PCLAF: variants seen among roughly 807,000 people sequenced by gnomAD.
PCLAF encodes PCNA-associated factor.
PCLAF carries 12 observed loss-of-function variants against 15.1 expected under a neutral mutation model. The observed-to-expected ratio is 0.79, with a 90% CI of 0.51 to 1.29. The LOEUF (loss-of-function observed/expected upper bound fraction) is 1.29. Among genes scored for constraint, PCLAF ranks in the 50% most tolerant of loss-of-function variants. The pLI, the probability that PCLAF is intolerant of heterozygous loss-of-function variation, is 0.00. For missense variants in PCLAF, 116 were observed against 130.9 expected, an observed-to-expected ratio of 0.89 and a Z score of 0.56; for synonymous variants, 33 against 47.1, an observed-to-expected ratio of 0.70 and a Z score of 1.22.
At chr15:64,373,753 G>A in intron 3 of PCLAF, 1 of 1,535,800 alleles carries the variant, frequency 6.5e-7, no homozygotes, top group Non-Finnish European at 8.7e-7. Context: ...CTGGAGGATG[G>A]GTGGCTCCTG....
At chr15:64,386,440 C>T (rs1178048760), upstream of PCLAF, among the ~76,000 whole-genome samples, 2 of 152,154 alleles carry the variant, frequency 1.3e-5, no homozygotes, top group Non-Finnish European at 2.9e-5. Flanking sequence ...CCCACCTCAG[C>T]CTTTCAAGTA....
rs767046896 is a variant in PCLAF, at chr15:64,381,037, C to T, written c.48G>A (p.Val16=). 2 of 1,614,056 alleles carry T rather than the reference C, an allele frequency of 1.2e-6. No individual in the cohort carries two copies. The highest frequency in any genetic ancestry group is 1.1e-5 in the South Asian group (1 of 91,074). ...CCTTTCTGGGGGCTCGAGCAGCCAC[C>T]ACTGTGAAGAGAGGCAAAAAAGGGT... is the stretch of plus-strand genomic sequence containing the variant. ...ADSVPGTYRK[V]VAARAPRKVL... The change falls in exon 2 of 4, where the codon GTG becomes GTA. Residue 16 remains valine, a splice_region_variant and synonymous_variant. Coordinates refer to ENST00000300035, the MANE Select transcript of PCLAF (RefSeq NM_014736.6).
chr15:64,367,023 C>T (rs1389359073), intron 3 of PCLAF, among the ~76,000 whole-genome samples: 1 of 151,006 alleles, frequency 6.6e-6, no homozygotes, highest in African/African-American at 2.4e-5. Flanking sequence ...TTCAGCGACT[C>T]AGGAGGCCTG....
Position 64,365,738 on chromosome 15 carries a change from T to C in PCLAF, c.*292A>G, listed in dbSNP as rs1596318351. The C allele has an allele frequency of 2.9e-6, 1 of 345,964 alleles. No homozygotes were observed. Among genetic ancestry groups the C allele is most frequent in the South Asian group, 3.6e-5 (1 of 28,148 alleles). The allele number at this position is 345,964 out of a possible 1,614,324, so 21.4% of individuals were successfully genotyped here. ...ATCTAAGCAAATCTCAAATACAACATACTTGTAATTAGAACACAATGCAAT... is the reference window on the plus strand; with the variant it reads ...ATCTAAGCAAATCTCAAATACAACACACTTGTAATTAGAACACAATGCAAT... On this transcript the variant is annotated 3_prime_UTR_variant, in exon 4 of 4. Coordinates refer to ENST00000300035, the MANE Select transcript of PCLAF (RefSeq NM_014736.6).
chr15:64,375,229 A>G (rs897844334), intron 3 of PCLAF, among the ~76,000 whole-genome samples: 1 of 152,044 alleles, frequency 6.6e-6, no homozygotes, highest in Non-Finnish European at 1.5e-5. Flanking sequence ...GGTTCAAGCA[A>G]TTCTCCTGCT....
intron 3 of PCLAF, among the ~76,000 whole-genome samples, chr15:64,375,286 G>A (rs773097349): frequency 9.9e-5 from 15 of 151,850 alleles, no homozygotes; most frequent in African/African-American, 2.7e-4. Flanking sequence ...CACCACGCCC[G>A]GCTAATTTTT....
Position 64,373,558 on chromosome 15 carries a change from G to C in PCLAF, c.290+3185C>G. 4 of 1,384,358 alleles carry C rather than the reference G, an allele frequency of 2.9e-6. No homozygotes were observed. In the South Asian group the frequency reaches 6.6e-5, roughly 23 times the overall value. The allele number at this position is 1,384,358 out of a possible 1,614,324, so 85.8% of individuals were successfully genotyped here. A position where few individuals can be genotyped will look rare whatever the true frequency, so the allele number is the denominator to read the frequency against. On this transcript the variant is annotated intron_variant, in intron 3 of 3. Coordinates refer to ENST00000300035, the MANE Select transcript of PCLAF (RefSeq NM_014736.6). The stretch of plus-strand genomic sequence containing the variant: ...CAAGGAGACCGGCTGTAGGCTGTAG[G>C]GCACTGTTGGAGGGCTTTGTGGTTT...
intron 3 of PCLAF, among the ~76,000 whole-genome samples, chr15:64,374,400 G>A (rs532927734): frequency 2.6e-5 from 4 of 152,124 alleles, no homozygotes; most frequent in East Asian, 1.9e-4. Flanking sequence ...TTAGCCAGGC[G>A]TGGTGGCGGG....
At chr15:64,378,554 A>T (rs976097610) in intron 2 of PCLAF, among the ~76,000 whole-genome samples, 6 of 152,184 alleles carry the variant, frequency 3.9e-5, no homozygotes, top group African/African-American at 1.4e-4. Flanking sequence ...CATATAAAAG[A>T]TAGTGATCTT....
intron 3 of PCLAF, among the ~76,000 whole-genome samples, chr15:64,371,266 C>CTT (rs1026981927): frequency 7.4e-6 from 1 of 136,004 alleles, no homozygotes. Context: ...CTGCACTTGG[C>CTT]TTTTTTTTTT....
intron 3 of PCLAF, among the ~76,000 whole-genome samples, chr15:64,372,034 C>T (rs1025170547): frequency 2.9e-5 from 4 of 137,690 alleles, no homozygotes; most frequent in African/African-American, 1.1e-4. Flanking sequence ...CAACTTTTAA[C>T]CCACCTCCTG....
upstream of PCLAF, among the ~76,000 whole-genome samples, chr15:64,384,754 A>C (rs1899900738): frequency 2.6e-5 from 4 of 151,346 alleles, no homozygotes; most frequent in Admixed American, 2.6e-4. Flanking sequence ...AAAAAAAAAA[A>C]GAAAAGAAAA....
chr15:64,384,749 A>G (rs1262830969), upstream of PCLAF, among the ~76,000 whole-genome samples: 1 of 151,802 alleles, frequency 6.6e-6, no homozygotes, highest in Non-Finnish European at 1.5e-5. Flanking sequence ...AAAAAAAAAA[A>G]AAAAAGAAAA....
chr15:64,372,730 T>C (rs549440567), intron 3 of PCLAF, among the ~76,000 whole-genome samples: 1 of 151,842 alleles, frequency 6.6e-6, no homozygotes, highest in East Asian at 1.9e-4. Context: ...TCCCAGCACT[T>C]TGGGAGGCCG....
upstream of PCLAF, among the ~76,000 whole-genome samples, chr15:64,382,165 C>A (rs1220312997): frequency 6.6e-6 from 1 of 152,030 alleles, no homozygotes; most frequent in Non-Finnish European, 1.5e-5. Context: ...CCGAGGCGGG[C>A]AGATCGCTTG....
chr15:64,371,559 C>T (rs1357169705), intron 3 of PCLAF, among the ~76,000 whole-genome samples: 1 of 152,186 alleles, frequency 6.6e-6, no homozygotes, highest in African/African-American at 2.4e-5. Flanking sequence ...AGCCGCCGTG[C>T]CCAGCCCACC....
chr15:64,385,529 G>GCAGGAAAAT (rs771754997), upstream of PCLAF, among the ~76,000 whole-genome samples: 70 of 152,058 alleles, frequency 4.6e-4, no homozygotes, highest in Middle Eastern at 6.8e-3. Context: ...GGAAGCTAAG[G>GCAGGAAAAT]CAGGAAAATC....
intron 3 of PCLAF, among the ~76,000 whole-genome samples, chr15:64,371,421 A>G (rs1282095338): frequency 1.3e-5 from 2 of 151,744 alleles, no homozygotes; most frequent in Non-Finnish European, 2.9e-5. Flanking sequence ...ACTCACCACC[A>G]CGCCCAGTTA....
At chr15:64,376,927 A>T in intron 2 of PCLAF, 22 bp from the exon 3 acceptor site, 1 of 1,603,410 alleles carries the variant, frequency 6.2e-7, no homozygotes, top group Non-Finnish European at 8.5e-7. Flanking sequence ...AAACAGATGG[A>T]ACTAGATAAG....
Sources: allele counts gnomAD v4.1 joint callset (sites outside exome capture counted in the v4.1 genomes callset), GRCh38; gene constraint gnomAD v4.1.1; transcripts MANE v1.5; gene names NCBI Gene and HGNC (gene_info 2026-07-23, HGNC 2026-07-21).